UBE2S: variants seen among roughly 807,000 people sequenced by gnomAD.
The protein encoded by UBE2S is ubiquitin conjugating enzyme E2 S.
UBE2S carries 3 observed loss-of-function variants against 12.3 expected under a neutral mutation model. The ratio of observed to expected loss-of-function variants is 0.24; its 90% CI spans 0.11 to 0.63. UBE2S has a LOEUF of 0.63. Among genes scored for constraint, UBE2S ranks in the 30% least tolerant of loss-of-function variants. The pLI, the probability that UBE2S is intolerant of heterozygous loss-of-function variation, is 0.85. For synonymous variants in UBE2S, 133 were observed against 142.0 expected (o/e 0.94, Z 0.45); for missense variants, 211 against 313.9 (o/e 0.67, Z 2.48).
chr19:55,406,402 G>A (rs2090096302), intron 2 of UBE2S, among the ~76,000 whole-genome samples: 1 of 152,116 alleles, frequency 6.6e-6, no homozygotes, highest in Non-Finnish European at 1.5e-5. Flanking sequence ...GTCTCCCCAC[G>A]ATCTGCATCT....
At position 55,400,633 on chromosome 19, in the gene UBE2S, C is replaced by T. The variant is rs1226374005; in HGVS notation, c.*803G>A. ...ACGAGGACTGAAATCAGCCAACAACCATGAGCATGGAAGAGGACCCAGACT... is the reference window on the plus strand; with the variant it reads ...ACGAGGACTGAAATCAGCCAACAACTATGAGCATGGAAGAGGACCCAGACT... On this transcript the variant is annotated 3_prime_UTR_variant, in exon 4 of 4. Transcript: ENST00000264552. 6.6e-6 allele frequency: 1 copy of T among 152,300 alleles called. No homozygotes were observed. The highest frequency in any genetic ancestry group is 2.4e-5 in the African/African-American group (1 of 41,456). 9.4% of individuals were successfully genotyped at this position (152,300 alleles called of 1,614,324 possible).
intron 3 of UBE2S, chr19:55,403,152 A>C: frequency 1.4e-6 from 1 of 724,448 alleles, no homozygotes; most frequent in Non-Finnish European, 2.5e-6. Context: ...TGGTCTCCTG[A>C]CAATGCATAA....
intron 3 of UBE2S, among the ~76,000 whole-genome samples, chr19:55,403,657 G>A (rs926639488): frequency 3.3e-5 from 5 of 151,914 alleles, no homozygotes; most frequent in African/African-American, 9.7e-5. Flanking sequence ...TTGGGAGGCC[G>A]AGGTGGGAGG....
chr19:55,401,275 A>G lies in UBE2S; in HGVS notation c.*161T>C. 1.1e-6 allele frequency: 1 copy of G among 871,968 alleles called. No homozygotes were observed. Among genetic ancestry groups the G allele is most frequent in the Non-Finnish European group, 1.7e-6 (1 of 581,594 alleles). 54.0% of individuals were successfully genotyped at this position (871,968 alleles called of 1,614,324 possible). A position where few individuals can be genotyped will look rare whatever the true frequency, so the allele number is the denominator to read the frequency against. On this transcript the variant is annotated 3_prime_UTR_variant, in exon 4 of 4. Coordinates refer to ENST00000264552, the MANE Select transcript of UBE2S (RefSeq NM_014501.3). ...AGCGGTCCTGGGGCATCTGTGAGAC[A>G]CAGAAGCTGCTTTTCCAACTTTATT...
chr19:55,402,406 T>C (rs1248264272), intron 3 of UBE2S, among the ~76,000 whole-genome samples: 1 of 152,152 alleles, frequency 6.6e-6, no homozygotes, highest in Non-Finnish European at 1.5e-5. Flanking sequence ...TCGAGGGTGG[T>C]CCAGAGATTC....
chr19:55,402,264 A>G (rs961351820), intron 3 of UBE2S, among the ~76,000 whole-genome samples: 1 of 152,216 alleles, frequency 6.6e-6, no homozygotes, highest in Non-Finnish European at 1.5e-5. Flanking sequence ...AAAGCTCCCC[A>G]TCTTTCCAGA....
rs2090054304 is a variant in UBE2S, at chr19:55,401,134, C to T, written c.*302G>A. 1 of 460,982 alleles carries T rather than the reference C, an allele frequency of 2.2e-6. No homozygotes were observed. Among genetic ancestry groups the T allele is most frequent in the Non-Finnish European group, 3.9e-6 (1 of 258,860 alleles). The allele number at this position is 460,982 out of a possible 1,614,324, so 28.6% of individuals were successfully genotyped here. On this transcript the variant is annotated 3_prime_UTR_variant, in exon 4 of 4. Transcript: ENST00000264552. ...CACAGAACAAAGAGGTGGACCCAAA[C>T]CTCAAACAGCAAGGCTGGTGAGCTA... is the stretch of plus-strand genomic sequence containing the variant.
intron 2 of UBE2S, among the ~76,000 whole-genome samples, chr19:55,405,345 T>C (rs2090090432): frequency 6.7e-6 from 1 of 150,154 alleles, no homozygotes; most frequent in Non-Finnish European, 1.5e-5. Flanking sequence ...CCATCTCTAC[T>C]AAAAATACAA....
At position 55,402,935 on chromosome 19, in the gene UBE2S, T is replaced by G; in HGVS notation, c.343-1173A>C. On this transcript the variant is annotated intron_variant, in intron 3 of 3. Coordinates refer to ENST00000264552, the MANE Select transcript of UBE2S (RefSeq NM_014501.3). ...ATTAGAAATTTGGTTAACTTTTTTT[T>G]TTTTCAGCTTGCGGGAAGGGTTGGG... 2.6e-6 allele frequency: 4 copies of G among 1,523,714 alleles called. No individual in the cohort carries two copies. The South Asian group carries it at 4.8e-5, about 18-fold the overall frequency. 94.4% of individuals were successfully genotyped at this position (1,523,714 alleles called of 1,614,324 possible).
chr19:55,404,536 C>A lies in UBE2S; in HGVS notation c.152-58G>T, dbSNP rs375704529. ...ACTCAGGAGTCCCAAGGCACCTCAACACCCCAAAGTCCAGTCTCCACGGTC... is the reference window on the plus strand; with the variant it reads ...ACTCAGGAGTCCCAAGGCACCTCAAAACCCCAAAGTCCAGTCTCCACGGTC... On this transcript the variant is annotated intron_variant, in intron 2 of 3. Transcript: ENST00000264552. The surrounding 1 kb of genome is among the most constrained non-coding windows in gnomAD (Gnocchi z 4.4). The A allele has an allele frequency of 6.8e-7, 1 of 1,476,666 alleles. No homozygotes were observed. The highest frequency in any genetic ancestry group is 9.1e-7 in the Non-Finnish European group (1 of 1,094,730). 91.5% of individuals were successfully genotyped at this position (1,476,666 alleles called of 1,614,324 possible).
intron 2 of UBE2S, among the ~76,000 whole-genome samples, chr19:55,405,399 CT>C (rs1342607699): frequency 6.6e-6 from 1 of 151,944 alleles, no homozygotes; most frequent in Admixed American, 6.6e-5. Context: ...ATCCCAGCTA[CT>C]TGGGAGGCTG....
At position 55,401,706 on chromosome 19, in the gene UBE2S, C is replaced by T. The variant is rs377366101; in HGVS notation, c.399G>A (p.Ala133=). 1.9e-5 allele frequency: 31 copies of T among 1,613,286 alleles called. No homozygotes were observed. In the Admixed American group the frequency reaches 2.3e-4, roughly 12 times the overall value. Residue 133 remains alanine, a synonymous_variant, in exon 4 of 4, where the codon GCG becomes GCA. Transcript: ENST00000264552. ...PNPESALNEE[A]GRLLLENYEE... is the part of the protein sequence containing the mutation. ...CGTAGTTCTCCAAGAGCAGGCGGCC[C>T]GCCTCCTCGTTGAGTGCAGACTCGG...
intron 3 of UBE2S, among the ~76,000 whole-genome samples, chr19:55,402,451 A>T (rs753901351): frequency 6.6e-6 from 1 of 152,176 alleles, no homozygotes; most frequent in Non-Finnish European, 1.5e-5. Flanking sequence ...CCTGAGGGGT[A>T]AATTGGAGTG....
chr19:55,404,494 G>A lies in UBE2S; in HGVS notation c.152-16C>T, dbSNP rs1187679076. On this transcript the variant is annotated splice_polypyrimidine_tract_variant and intron_variant, in intron 2 of 3. Coordinates refer to ENST00000264552, the MANE Select transcript of UBE2S (RefSeq NM_014501.3). This position sits in a 1 kb window ranked among gnomAD's most constrained non-coding sequence, Gnocchi z 4.4. ...GGGGTCCCCTCTGGAGTGGAGGGAG[G>A]GGTACAGGGTCAGGGCACTCAGGAG... 5 of 1,590,490 alleles carry A rather than the reference G, an allele frequency of 3.1e-6. No homozygotes were observed. Among genetic ancestry groups the A allele is most frequent in the Non-Finnish European group, 4.3e-6 (5 of 1,167,310 alleles).
rs1185189926 is a variant in UBE2S, at chr19:55,400,991, A to T, written c.*445T>A. Reference sequence around the variant, plus strand: ...CCACTGCCACACCAACGTGGCCATTATTCTAGAGGGAGAAGTATAGGGCAG... The same window carrying T: ...CCACTGCCACACCAACGTGGCCATTTTTCTAGAGGGAGAAGTATAGGGCAG... On this transcript the variant is annotated 3_prime_UTR_variant, in exon 4 of 4. Coordinates refer to ENST00000264552, the MANE Select transcript of UBE2S (RefSeq NM_014501.3). 1 of 169,344 alleles carries T rather than the reference A, an allele frequency of 5.9e-6. No homozygotes were observed. The highest frequency in any genetic ancestry group is 1.3e-5 in the Non-Finnish European group (1 of 77,740). 10.5% of individuals were successfully genotyped at this position (169,344 alleles called of 1,614,324 possible).
Position 55,401,158 on chromosome 19 carries a change from T to C in UBE2S, c.*278A>G. On this transcript the variant is annotated 3_prime_UTR_variant, in exon 4 of 4. Coordinates refer to ENST00000264552, the MANE Select transcript of UBE2S (RefSeq NM_014501.3). ...ACCTCAAACAGCAAGGCTGGTGAGC[T>C]AGATGGACCCACTGCTGCAGTCCAT... is the stretch of plus-strand genomic sequence containing the variant. 1.6e-5 allele frequency: 8 copies of C among 507,490 alleles called. No individual in the cohort carries two copies. In the South Asian group the frequency reaches 2.1e-4, roughly 13 times the overall value. The allele number at this position is 507,490 out of a possible 1,614,324, so 31.4% of individuals were successfully genotyped here. A position where few individuals can be genotyped will look rare whatever the true frequency, so the allele number is the denominator to read the frequency against.
In UBE2S at chr19:55,402,660, A is replaced by G. The variant is rs188287150; in HGVS notation, c.343-898T>C. 2.7e-3 allele frequency among the ~76,000 whole-genome samples: 409 copies of G among 152,302 alleles called. 1 individual carries two copies. Among genetic ancestry groups the G allele is most frequent in the African/African-American group, 9.7e-3 (401 of 41,554 alleles). On this transcript the variant is annotated intron_variant, in intron 3 of 3. Transcript: ENST00000264552. ...CACCCTAATTCTCATCACTGCACCC[A>G]AACTGCAGGTCTGGCTGCTCTTCTT...
chr19:55,401,495 C>T lies in UBE2S; in HGVS notation c.610G>A (p.Asp204Asn), dbSNP rs767659246. 47 of 1,609,418 alleles carry T rather than the reference C, an allele frequency of 2.9e-5. No individual in the cohort carries two copies. Among genetic ancestry groups the T allele is most frequent in the South Asian group, 1.4e-4 (13 of 90,972 alleles). ...PMAKKHAGER[D>N]KKLAAKKKTD... Reference sequence around the variant, plus strand: ...TTTTTCTTGGCCGCCAGCTTCTTATCGCGCTCGCCAGCATGCTTCTTGGCC... The same window carrying T: ...TTTTTCTTGGCCGCCAGCTTCTTATTGCGCTCGCCAGCATGCTTCTTGGCC... Residue 204 changes from aspartate to asparagine, a missense_variant, in exon 4 of 4, where the codon GAT becomes AAT. Around this residue, in one of 2 missense-constraint regions of UBE2S, gnomAD observed 84 missense variants for 89.9 expected, o/e 0.93. Transcript: ENST00000264552.
At chr19:55,407,072 A>T (rs1442009813) in intron 1 of UBE2S, 110 bp from the exon 2 acceptor site, 1 of 1,384,348 alleles carries the variant, frequency 7.2e-7, no homozygotes, top group Non-Finnish European at 9.8e-7. Context: ...CCAGGCTGTC[A>T]ATCACCCTTG....
Sources: allele counts gnomAD v4.1 joint callset (sites outside exome capture counted in the v4.1 genomes callset), GRCh38; gene constraint gnomAD v4.1.1; regional missense constraint gnomAD v4.1.1; non-coding constraint Gnocchi (gnomAD v3.1); transcripts MANE v1.5; gene names NCBI Gene and HGNC (gene_info 2026-07-23, HGNC 2026-07-21).